The following ABI3BP variants were observed in gnomAD, a reference collection of about 807,000 sequenced individuals.
ABI3BP encodes the protein ABI family member 3 binding protein.
ABI3BP carries 216 observed loss-of-function variants against 268.6 expected under a neutral mutation model. That is an observed-to-expected ratio of 0.80 (90% CI 0.72 to 0.90). The LOEUF is 0.90. ABI3BP is among the 40% of genes least tolerant of loss of function. ABI3BP has a pLI of 0.00. For synonymous variants in ABI3BP, 730 were observed against 730.0 expected, an observed-to-expected ratio of 1.00 and a Z score of 0.00; for missense variants, 2,090 against 2,182.4, an observed-to-expected ratio of 0.96 and a Z score of 0.84.
At chr3:100,953,248 T>C (rs2075725467) in intron 1 of ABI3BP, among the ~76,000 whole-genome samples, 1 of 152,162 alleles carries the variant, frequency 6.6e-6, no homozygotes, top group East Asian at 1.9e-4. Flanking sequence ...CCCTTCCCAC[T>C]ATTTCCGGGT....
rs1303757860 is a variant in ABI3BP at position 100,875,702 on chromosome 3, C to A, written c.746-123G>T. The A allele has an allele frequency of 1.0e-5, 7 of 691,730 alleles. No homozygotes were observed. The African/African-American group carries it at 1.1e-4, about 11-fold the overall frequency. The allele number at this position is 691,730 out of a possible 1,614,324, so 42.8% of individuals were successfully genotyped here. On this transcript the variant is annotated intron_variant, in intron 7 of 67. Transcript: ENST00000471714. ...AACTTTATTAATTAATACAAAGCAA[C>A]TCAGTGGCCTGGCTATATAGCCAAC...
chr3:100,803,097 AG>A lies in ABI3BP; in HGVS notation c.3757+1694del, dbSNP rs2152381640. ...ATATGGCAGGGCCAACACCAGATTTAGGGACAGAAACTTAACTCTGAACATG... is the reference window on the plus strand; with the variant it reads ...ATATGGCAGGGCCAACACCAGATTTAGGACAGAAACTTAACTCTGAACATG... On this transcript the variant is annotated intron_variant, in intron 51 of 67. Coordinates refer to ENST00000471714, the MANE Select transcript of ABI3BP (RefSeq NM_001375547.2). Among the ~76,000 whole-genome samples, 2 of 146,428 alleles carry A rather than the reference AG, an allele frequency of 1.4e-5. 1 individual carries two copies. Among genetic ancestry groups the A allele is most frequent in the South Asian group, 4.8e-4 (2 of 4,124 alleles).
intron 2 of ABI3BP, among the ~76,000 whole-genome samples, chr3:100,904,734 T>C (rs1350043188): frequency 6.6e-6 from 1 of 152,168 alleles, no homozygotes; most frequent in African/African-American, 2.4e-5. Flanking sequence ...CCAGTTACAA[T>C]GGCAATCATT....
chr3:100,912,276 T>TAAAAAAAAAAAAAAAA (rs71132535), intron 2 of ABI3BP: 8 of 24,678 alleles, frequency 3.2e-4, no homozygotes, highest in Admixed American at 7.2e-4. Flanking sequence ...CTCTCTTTTG[T>TAAAAAAAAAAAAAAAA]AAAAAAAAAA....
chr3:100,778,436 A>G (rs1379372371), intron 58 of ABI3BP, 60 bp from the exon 59 acceptor site: 3 of 1,456,846 alleles, frequency 2.1e-6, no homozygotes, highest in Non-Finnish European at 2.8e-6. Flanking sequence ...TTCATTATCG[A>G]AAAAAACAGG....
chr3:100,781,966 A>G (rs2096878370), intron 57 of ABI3BP, among the ~76,000 whole-genome samples: 1 of 152,240 alleles, frequency 6.6e-6, no homozygotes, highest in Admixed American at 6.5e-5. Flanking sequence ...GCCAGGATCC[A>G]AAGCCTATCT....
intron 43 of ABI3BP, 98 bp downstream of exon 43, chr3:100,816,590 G>A (rs1290786140): frequency 1.6e-5 from 15 of 955,926 alleles, no homozygotes; most frequent in East Asian, 1.0e-4. Context: ...CATGATGACT[G>A]TTACTTCCCG....
intron 4 of ABI3BP, among the ~76,000 whole-genome samples, chr3:100,895,634 G>C (rs929009853): frequency 5.9e-5 from 9 of 152,144 alleles, no homozygotes; most frequent in African/African-American, 1.9e-4. Flanking sequence ...AGCAAGCCAA[G>C]TGCATTCAGA....
At chr3:100,906,095 A>T (rs2053305290) in intron 2 of ABI3BP, among the ~76,000 whole-genome samples, 1 of 152,114 alleles carries the variant, frequency 6.6e-6, no homozygotes, top group Admixed American at 6.5e-5. Context: ...AATTGTTCTC[A>T]CTCTAGCAGA....
intron 19 of ABI3BP, 81 bp downstream of exon 19, chr3:100,847,521 A>C (rs866383492): frequency 2.5e-6 from 3 of 1,189,516 alleles, no homozygotes; most frequent in African/African-American, 1.5e-5. Context: ...AACAGGTAAC[A>C]GACATTACAT....
chr3:100,806,036 C>T (rs1181106360), intron 50 of ABI3BP, among the ~76,000 whole-genome samples: 1 of 152,022 alleles, frequency 6.6e-6, no homozygotes, highest in African/African-American at 2.4e-5. Flanking sequence ...TACCTATACA[C>T]ACTGGGATCT....
intron 1 of ABI3BP, among the ~76,000 whole-genome samples, chr3:100,981,096 T>G (rs2089172356): frequency 6.6e-6 from 1 of 152,238 alleles, no homozygotes; most frequent in Admixed American, 6.5e-5. Context: ...TTATGGTTTG[T>G]CTAATCTGAT....
At chr3:100,758,945 G>C (rs1318049209) in intron 63 of ABI3BP, among the ~76,000 whole-genome samples, 1 of 152,140 alleles carries the variant, frequency 6.6e-6, no homozygotes, top group Non-Finnish European at 1.5e-5. Flanking sequence ...TTCAGATCTG[G>C]ATGGAGCAGA....
In ABI3BP at chr3:100,908,294, C is replaced by T. The variant is rs979321906; in HGVS notation, c.260-5608G>A. Among the ~76,000 whole-genome samples, 3 of 151,962 alleles carry T rather than the reference C, an allele frequency of 2.0e-5. No homozygotes were observed. The East Asian group carries it at 5.8e-4, about 29-fold the overall frequency. On this transcript the variant is annotated intron_variant, in intron 2 of 67. Transcript: ENST00000471714. ...TCCTCCTTTACTAAACATGCCAGAC[C>T]CTTGCTGGCACCAACAATGATACTG... is the stretch of plus-strand genomic sequence containing the variant.
intron 43 of ABI3BP, 196 bp from the exon 44 acceptor site, chr3:100,816,167 C>G: frequency 1.9e-6 from 1 of 532,640 alleles, no homozygotes. Flanking sequence ...GTAGTTACAA[C>G]CTTTGAACTC....
intron 2 of ABI3BP, among the ~76,000 whole-genome samples, chr3:100,912,591 T>C (rs1037297210): frequency 6.6e-6 from 1 of 152,040 alleles, no homozygotes; most frequent in African/African-American, 2.4e-5. Flanking sequence ...AACAGAAATA[T>C]TGTCGATTCT....
chr3:100,763,769 A>G (rs2096114109), intron 63 of ABI3BP, among the ~76,000 whole-genome samples: 1 of 152,206 alleles, frequency 6.6e-6, no homozygotes, highest in Non-Finnish European at 1.5e-5. Flanking sequence ...TTCTCTACCT[A>G]CTTCACCAGG....
chr3:100,896,129 CTT>C (rs1225784684), intron 4 of ABI3BP, among the ~76,000 whole-genome samples: 1 of 152,142 alleles, frequency 6.6e-6, no homozygotes, highest in Non-Finnish European at 1.5e-5. Flanking sequence ...TTTCAAAAGA[CTT>C]TATTCAAAAT....
chr3:100,910,429 AT>A (rs1291317547), intron 2 of ABI3BP, among the ~76,000 whole-genome samples: 3 of 147,482 alleles, frequency 2.0e-5, no homozygotes, highest in Non-Finnish European at 4.5e-5. Flanking sequence ...TAAAAAAAAA[AT>A]TATCAGTTTA....
Sources: gnomAD v4.1 joint callset for allele counts (sites outside exome capture counted in the v4.1 genomes callset) on GRCh38, gnomAD v4.1.1 for gene constraint, MANE v1.5 for transcripts, NCBI Gene and HGNC (gene_info 2026-07-23, HGNC 2026-07-21) for gene names.